NBAS: variants seen among roughly 807,000 people sequenced by gnomAD.
NBAS encodes the protein NAG/BC035112 fusion.
In NBAS, 219 loss-of-function variants were observed where a neutral mutation model predicts 302.5. The observed-to-expected ratio is 0.72, with a 90% CI of 0.65 to 0.81. The LOEUF is 0.81. Among genes scored for constraint, NBAS ranks in the 30% least tolerant of loss-of-function variants. The pLI is 0.00. For synonymous variants in NBAS, 1,118 were observed against 1,021.6 expected (o/e 1.09, Z -1.80); for missense variants, 2,932 against 2,841.6 (o/e 1.03, Z -0.72).
At chr2:15,336,995 C>T (rs1047458103) in intron 35 of NBAS, among the ~76,000 whole-genome samples, 14 of 152,036 alleles carry the variant, frequency 9.2e-5, no homozygotes, top group Admixed American at 9.2e-4. Context: ...GCAGGCTAAG[C>T]CAGCACAGTG....
intron 31 of NBAS, among the ~76,000 whole-genome samples, chr2:15,369,322 G>T (rs747240405): frequency 2.6e-4 from 40 of 152,186 alleles, no homozygotes; most frequent in Non-Finnish European, 4.9e-4. Context: ...TCAAGGTAGA[G>T]AACTGAAACC....
At chr2:14,966,433 C>G in the NBAS span, among the ~76,000 whole-genome samples, 1 of 152,184 alleles carries the variant, frequency 6.6e-6, no homozygotes, top group Non-Finnish European at 1.5e-5. Flanking sequence ...TTCCAGGACT[C>G]CCTGAGTATA....
chr2:15,489,320 A>G (rs1680760638), intron 11 of NBAS, among the ~76,000 whole-genome samples: 1 of 152,154 alleles, frequency 6.6e-6, no homozygotes, highest in South Asian at 2.1e-4. Flanking sequence ...TTCACATATC[A>G]ATTACCATGA....
intron 33 of NBAS, 34 bp from the exon 34 acceptor site, chr2:15,353,744 A>G (rs372724402): frequency 6.2e-7 from 1 of 1,613,600 alleles, no homozygotes. Flanking sequence ...ATGATTCCCA[A>G]AAGAAGAAGA....
intron 38 of NBAS, among the ~76,000 whole-genome samples, chr2:15,310,242 C>T (rs974402676): frequency 6.6e-6 from 1 of 152,174 alleles, no homozygotes; most frequent in African/African-American, 2.4e-5. Flanking sequence ...GTGTCAGAGG[C>T]TGACCTAGAA....
the NBAS span, among the ~76,000 whole-genome samples, chr2:14,987,620 CA>C: frequency 6.6e-6 from 1 of 151,760 alleles, no homozygotes; most frequent in South Asian, 2.1e-4. Flanking sequence ...GTCAAAATAT[CA>C]AACAAAAAGG....
intron 21 of NBAS, among the ~76,000 whole-genome samples, chr2:15,454,121 C>T (rs1679143983): frequency 6.6e-6 from 1 of 152,038 alleles, no homozygotes; most frequent in East Asian, 1.9e-4. Flanking sequence ...AACAGAGATT[C>T]CATCAACAGA....
chr2:15,303,174 C>G (rs1331571579), intron 40 of NBAS, among the ~76,000 whole-genome samples: 8 of 152,122 alleles, frequency 5.3e-5, no homozygotes, highest in Admixed American at 5.2e-4. Context: ...ATATCCTATT[C>G]CTTCTGCCGC....
At position 15,468,276 on chromosome 2, in the gene NBAS, G is replaced by C. The variant is rs1224964671; in HGVS notation, c.1877+106C>G. The stretch of plus-strand genomic sequence containing the variant: ...GTATTGATCAAAAGCAACTGCTTCA[G>C]TACAGAATAACTTAAATAAAGAAAA... On this transcript the variant is annotated intron_variant, in intron 17 of 51. Coordinates refer to ENST00000281513, the MANE Select transcript of NBAS (RefSeq NM_015909.4). 50 of 1,368,658 alleles carry C rather than the reference G, an allele frequency of 3.7e-5. No homozygotes were observed. In the East Asian group the frequency reaches 1.0e-3, roughly 28 times the overall value. 84.8% of individuals were successfully genotyped at this position (1,368,658 alleles called of 1,614,324 possible).
intron 21 of NBAS, among the ~76,000 whole-genome samples, chr2:15,432,939 A>T (rs1009269273): frequency 2.6e-5 from 4 of 152,234 alleles, no homozygotes; most frequent in African/African-American, 7.2e-5. Context: ...AACAGAGCAG[A>T]AACTAAGAAG....
At chr2:15,144,048 A>ATATATATATATATATATTATCCT in the NBAS span, among the ~76,000 whole-genome samples, 14 of 113,802 alleles carry the variant, frequency 1.2e-4, no homozygotes, top group South Asian at 3.3e-4. Flanking sequence ...TATATATAAA[A>ATATATATATATATATATTATCCT]ATATATATAT....
the NBAS span, among the ~76,000 whole-genome samples, chr2:14,917,610 C>T: frequency 0.24 from 35,768 of 152,128 alleles, 4,518 homozygotes; most frequent in African/African-American, 0.32. Context: ...CTGCCTGCCA[C>T]ATGGAGGGTC....
chr2:15,094,007 A>T, the NBAS span, among the ~76,000 whole-genome samples: 1 of 152,196 alleles, frequency 6.6e-6, no homozygotes, highest in African/African-American at 2.4e-5. Flanking sequence ...TTACTAAGAG[A>T]CTCAGAAAGT....
chr2:14,922,875 G>A, the NBAS span, among the ~76,000 whole-genome samples: 5 of 152,154 alleles, frequency 3.3e-5, no homozygotes, highest in African/African-American at 1.2e-4. Flanking sequence ...CATTTGGGCC[G>A]GGTGCGGTGG....
At chr2:15,303,389 T>C (rs1369231084) in intron 40 of NBAS, among the ~76,000 whole-genome samples, 29 of 152,238 alleles carry the variant, frequency 1.9e-4, no homozygotes, top group Admixed American at 1.9e-3. Context: ...TAACGCTGAA[T>C]TGATAAAAGG....
At chr2:15,253,769 AG>A (rs1668461793) in intron 44 of NBAS, among the ~76,000 whole-genome samples, 4 of 152,276 alleles carry the variant, frequency 2.6e-5, no homozygotes, top group Admixed American at 2.6e-4. Context: ...AGAACACCAA[AG>A]GGACAATTCA....
At chr2:14,953,276 A>C in the NBAS span, among the ~76,000 whole-genome samples, 1 of 152,166 alleles carries the variant, frequency 6.6e-6, no homozygotes, top group African/African-American at 2.4e-5. Flanking sequence ...ATCAGGGAGG[A>C]TGATGAGAGT....
chr2:15,190,373 T>A lies in NBAS; in HGVS notation c.6463A>T (p.Asn2155Tyr). Residue 2155 changes from asparagine (N) to tyrosine (Y), a missense_variant, in exon 49 of 52, where the codon AAC becomes TAC. By Grantham distance (143) the Asn-to-Tyr change is moderately radical (BLOSUM62 -2). Coordinates refer to ENST00000281513, the MANE Select transcript of NBAS (RefSeq NM_015909.4). ...AGTTCCATGAATAGACAGTAGCGGTTCTCTTCATTCTCAATGTCAGCTATG... is the reference window on the plus strand; with the variant it reads ...AGTTCCATGAATAGACAGTAGCGGTACTCTTCATTCTCAATGTCAGCTATG... ...VDIADIENEENRYCLFMELLE... is the reference protein window; with the variant it reads ...VDIADIENEEYRYCLFMELLE... 6.2e-7 allele frequency: 1 copy of A among 1,613,996 alleles called. No homozygotes were observed. Among genetic ancestry groups the A allele is most frequent in the Non-Finnish European group, 8.5e-7 (1 of 1,179,912 alleles).
the NBAS span, among the ~76,000 whole-genome samples, chr2:15,109,049 A>G: frequency 6.6e-6 from 1 of 152,166 alleles, no homozygotes; most frequent in African/African-American, 2.4e-5. Context: ...TGTATGGCAA[A>G]TCAGTTACTG....
Sources: allele counts gnomAD v4.1 joint callset (sites outside exome capture counted in the v4.1 genomes callset), GRCh38; gene constraint gnomAD v4.1.1; transcripts MANE v1.5; gene names NCBI Gene and HGNC (gene_info 2026-07-23, HGNC 2026-07-21).